Variants in SSPN observed in about 807,000 individuals in gnomAD.
SSPN encodes the protein K-ras oncogene-associated protein.
A neutral mutation model predicts 19.1 loss-of-function variants in SSPN; 15 were observed. The observed-to-expected ratio is 0.78, with a 90% CI of 0.52 to 1.21. SSPN has a LOEUF of 1.21. SSPN is among the 50% of genes most tolerant of loss of function. The pLI is 0.00. For missense variants in SSPN, 291 were observed against 314.0 expected, an observed-to-expected ratio of 0.93 and a Z score of 0.55; for synonymous variants, 147 against 140.3, an observed-to-expected ratio of 1.05 and a Z score of -0.34.
chr12:26,233,168 A>T lies in SSPN; in HGVS notation c.*2092A>T, dbSNP rs1469758916. Reference sequence around the variant, plus strand: ...ACACTACAAGTTTTTATATTTAAAAATTAAGACTCTGTATATCCTTAAGGT... The same window carrying T: ...ACACTACAAGTTTTTATATTTAAAATTTAAGACTCTGTATATCCTTAAGGT... On this transcript the variant is annotated 3_prime_UTR_variant, in exon 3 of 3. Transcript: ENST00000242729. The surrounding 1 kb of genome is among the most constrained non-coding windows in gnomAD (Gnocchi z 4.3). The T allele has an allele frequency of 1.3e-5, 2 of 152,108 alleles. No homozygotes were observed. Among genetic ancestry groups the T allele is most frequent in the African/African-American group, 4.8e-5 (2 of 41,430 alleles). 9.4% of individuals were successfully genotyped at this position (152,108 alleles called of 1,614,324 possible).
chr12:26,209,600 C>T (rs1944963550), intron 1 of SSPN, among the ~76,000 whole-genome samples: 1 of 151,962 alleles, frequency 6.6e-6, no homozygotes, highest in Middle Eastern at 3.4e-3. Flanking sequence ...TTACTGCCAG[C>T]AATTTTAATT....
chr12:26,200,098 A>C (rs1944864678), intron 1 of SSPN, among the ~76,000 whole-genome samples: 1 of 152,190 alleles, frequency 6.6e-6, no homozygotes, highest in Non-Finnish European at 1.5e-5. Context: ...GAATATTCCC[A>C]TGGAAAGTGA....
chr12:26,162,134 GCCA>G (rs2137425326), intron 1 of SSPN, among the ~76,000 whole-genome samples: 1 of 152,262 alleles, frequency 6.6e-6, no homozygotes, highest in African/African-American at 2.4e-5. Flanking sequence ...CATATCACTG[GCCA>G]GTCCATTTGG....
chr12:26,212,082 GT>G (rs1321710431), intron 1 of SSPN, among the ~76,000 whole-genome samples: 22 of 152,218 alleles, frequency 1.4e-4, no homozygotes, highest in African/African-American at 5.1e-4. Flanking sequence ...TAGATATTTT[GT>G]TTTTACAATG....
intron 1 of SSPN, among the ~76,000 whole-genome samples, chr12:26,186,480 A>G (rs2137447371): frequency 6.6e-6 from 1 of 152,352 alleles, no homozygotes; most frequent in Middle Eastern, 3.4e-3. Context: ...TAGACACCAT[A>G]TAAAATATCT....
intron 1 of SSPN, among the ~76,000 whole-genome samples, chr12:26,201,389 A>AG (rs956691971): frequency 6.6e-6 from 1 of 152,012 alleles, no homozygotes; most frequent in Non-Finnish European, 1.5e-5. Context: ...GAAAAAAAAA[A>AG]AAAGAATTTG....
intron 1 of SSPN, among the ~76,000 whole-genome samples, chr12:26,183,402 C>T (rs1317431854): frequency 1.3e-5 from 2 of 152,248 alleles, no homozygotes; most frequent in Non-Finnish European, 2.9e-5. Flanking sequence ...GCATGAGCCA[C>T]TGCGCCCGGT....
intron 1 of SSPN, among the ~76,000 whole-genome samples, chr12:26,166,235 T>C (rs1345282047): frequency 6.6e-6 from 1 of 152,190 alleles, no homozygotes; most frequent in Admixed American, 6.5e-5. Context: ...CAAACCTGCA[T>C]GTTCTGCACA....
intron 1 of SSPN, among the ~76,000 whole-genome samples, chr12:26,152,022 T>C (rs1259763186): frequency 6.6e-6 from 1 of 152,206 alleles, no homozygotes; most frequent in Non-Finnish European, 1.5e-5. Flanking sequence ...CAATATTTTG[T>C]GCTATTCATA....
At position 26,122,251 on chromosome 12, in the gene SSPN, G is replaced by A. The variant is rs1423806599; in HGVS notation, c.-31+99G>A. 129 of 1,271,910 alleles carry A rather than the reference G, an allele frequency of 1.0e-4. No individual in the cohort carries two copies. The highest frequency in any genetic ancestry group is 1.3e-4 in the Non-Finnish European group (128 of 1,012,198). 78.8% of individuals were successfully genotyped at this position (1,271,910 alleles called of 1,614,324 possible). ...GCGGCGGCGCCCGCCTTCTCGGGAG[G>A]GGGCGACAACACCGAGGACAGGCAG... On this transcript the variant is annotated intron_variant, in intron 1 of 2. Coordinates refer to the SSPN transcript ENST00000538142.
At chr12:26,131,963 C>T (rs974616224) in intron 1 of SSPN, among the ~76,000 whole-genome samples, 4 of 152,122 alleles carry the variant, frequency 2.6e-5, no homozygotes, top group Non-Finnish European at 5.9e-5. Context: ...TACCTTCTCC[C>T]CTCAGCCCCT....
intron 1 of SSPN, among the ~76,000 whole-genome samples, chr12:26,202,236 G>T (rs562324635): frequency 2.1e-4 from 32 of 152,158 alleles, no homozygotes; most frequent in African/African-American, 7.2e-4. Context: ...TTTGATCCGT[G>T]GTTGATTATA....
chr12:26,219,422 A>G (rs755581462), intron 1 of SSPN, among the ~76,000 whole-genome samples: 5 of 152,190 alleles, frequency 3.3e-5, no homozygotes, highest in Non-Finnish European at 5.9e-5. Context: ...TGCAGTTATA[A>G]TAGGCCAAAT....
At chr12:26,165,157 A>C (rs1056550237) in intron 1 of SSPN, among the ~76,000 whole-genome samples, 1 of 152,366 alleles carries the variant, frequency 6.6e-6, no homozygotes, top group East Asian at 1.9e-4. Context: ...AACAGGAAGT[A>C]TACCTTTTTC....
intron 2 of SSPN, among the ~76,000 whole-genome samples, chr12:26,229,397 T>C (rs1439825356): frequency 6.6e-6 from 1 of 152,144 alleles, no homozygotes; most frequent in African/African-American, 2.4e-5. Flanking sequence ...CATGCACACA[T>C]ACCACTCAAG....
chr12:26,147,278 G>GT (rs375676175), intron 1 of SSPN, among the ~76,000 whole-genome samples: 28,315 of 146,760 alleles, frequency 0.19, 4,531 homozygotes, highest in African/African-American at 0.44. Flanking sequence ...TTTTTTTTGT[G>GT]TTTTTTTTTT....
intron 1 of SSPN, among the ~76,000 whole-genome samples, chr12:26,149,230 T>C (rs1944510688): frequency 6.6e-6 from 1 of 152,178 alleles, no homozygotes; most frequent in South Asian, 2.1e-4. Context: ...AAAAGTCTAC[T>C]TGTCTATAAC....
At chr12:26,162,899 T>C (rs968791115) in intron 1 of SSPN, among the ~76,000 whole-genome samples, 2 of 152,176 alleles carry the variant, frequency 1.3e-5, no homozygotes, top group African/African-American at 4.8e-5. Context: ...AAAAAGTATA[T>C]GAATATAGAG....
intron 1 of SSPN, among the ~76,000 whole-genome samples, chr12:26,154,163 C>A (rs778344742): frequency 1.3e-5 from 2 of 152,118 alleles, no homozygotes; most frequent in Non-Finnish European, 2.9e-5. Flanking sequence ...TGAAAAGGCC[C>A]ATTTCTATAT....
Sources: allele counts gnomAD v4.1 joint callset (sites outside exome capture counted in the v4.1 genomes callset), GRCh38; gene constraint gnomAD v4.1.1; non-coding constraint Gnocchi (gnomAD v3.1); transcripts MANE v1.5; gene names NCBI Gene and HGNC (gene_info 2026-07-23, HGNC 2026-07-21).